Variants in OSBPL10 observed in about 807,000 individuals in gnomAD.
OSBPL10 encodes the protein oxysterol binding protein like 10.
In OSBPL10, 49 loss-of-function variants were observed where a neutral mutation model predicts 81.7. The observed-to-expected ratio is 0.60, with a 90% confidence interval of 0.48 to 0.76. The LOEUF (loss-of-function observed/expected upper bound fraction) is 0.76. Among genes scored for constraint, OSBPL10 ranks in the 30% least tolerant of loss-of-function variants. OSBPL10 has a pLI of 0.00. For synonymous variants in OSBPL10, 419 were observed against 383.6 expected, an observed-to-expected ratio of 1.09 and a Z score of -1.08; for missense variants, 923 against 987.8, an observed-to-expected ratio of 0.93 and a Z score of 0.88.
intron 8 of OSBPL10, 55 bp downstream of exon 8, chr3:31,683,578 CA>C (rs1700708905): frequency 6.4e-7 from 1 of 1,555,944 alleles, no homozygotes; most frequent in South Asian, 1.2e-5. Context: ...AATCATCTAC[CA>C]GGTATAGAAA....
intron 3 of OSBPL10, among the ~76,000 whole-genome samples, chr3:31,843,649 A>G (rs1247332186): frequency 6.6e-6 from 1 of 152,090 alleles, no homozygotes; most frequent in Non-Finnish European, 1.5e-5. Flanking sequence ...TTGCTGCCCC[A>G]ATTTATTCTC....
intron 6 of OSBPL10, among the ~76,000 whole-genome samples, chr3:31,715,778 C>CA (rs1696412064): frequency 6.6e-6 from 1 of 152,202 alleles, no homozygotes; most frequent in African/African-American, 2.4e-5. Context: ...TCTATATCCA[C>CA]AGTTGAAATC....
chr3:32,021,321 T>C (rs773096815), intron 2 of OSBPL10, among the ~76,000 whole-genome samples: 1 of 152,228 alleles, frequency 6.6e-6, no homozygotes, highest in Non-Finnish European at 1.5e-5. Context: ...CAGGCTCAAA[T>C]AAAGTTCAAC....
chr3:32,012,554 C>T (rs1699271783), intron 2 of OSBPL10, among the ~76,000 whole-genome samples: 1 of 152,166 alleles, frequency 6.6e-6, no homozygotes, highest in Non-Finnish European at 1.5e-5. Flanking sequence ...AAATAACCAG[C>T]TAACATCATA....
intron 2 of OSBPL10, among the ~76,000 whole-genome samples, chr3:31,995,162 A>G (rs761089442): frequency 2.6e-5 from 4 of 152,226 alleles, no homozygotes; most frequent in Non-Finnish European, 4.4e-5. Context: ...CTTGATAAAC[A>G]TCTTAACAGA....
intron 4 of OSBPL10, among the ~76,000 whole-genome samples, chr3:31,751,121 C>T (rs998989127): frequency 6.6e-6 from 1 of 152,042 alleles, no homozygotes; most frequent in African/African-American, 2.4e-5. Flanking sequence ...GCCTGGCCAA[C>T]ATAACAAAAC....
At chr3:32,016,417 A>T (rs965126188) in intron 2 of OSBPL10, among the ~76,000 whole-genome samples, 2 of 151,814 alleles carry the variant, frequency 1.3e-5, no homozygotes, top group African/African-American at 4.8e-5. Context: ...GGACACAGGA[A>T]GGGGAACATC....
chr3:31,869,045 G>A (rs1701252734), intron 3 of OSBPL10, among the ~76,000 whole-genome samples: 1 of 152,206 alleles, frequency 6.6e-6, no homozygotes, highest in Non-Finnish European at 1.5e-5. Context: ...AGGTGGTCAG[G>A]AGTCTGAACT....
intron 6 of OSBPL10, among the ~76,000 whole-genome samples, chr3:31,720,314 T>C (rs1207110284): frequency 6.6e-6 from 1 of 152,152 alleles, no homozygotes; most frequent in Non-Finnish European, 1.5e-5. Flanking sequence ...TAGTTTCATG[T>C]CCGGCTTAAT....
intron 1 of OSBPL10, among the ~76,000 whole-genome samples, chr3:31,919,010 C>T (rs2125703538): frequency 6.6e-6 from 1 of 152,262 alleles, no homozygotes; most frequent in East Asian, 1.9e-4. Flanking sequence ...TACCAACTGC[C>T]CCCAGTCACA....
chr3:31,773,333 C>T (rs558488522), intron 4 of OSBPL10, among the ~76,000 whole-genome samples: 4 of 152,278 alleles, frequency 2.6e-5, no homozygotes, highest in South Asian at 4.1e-4. Flanking sequence ...TTCCTGCACT[C>T]GTCAGCACTA....
At chr3:31,826,102 C>T (rs535833480) in intron 4 of OSBPL10, among the ~76,000 whole-genome samples, 8 of 152,258 alleles carry the variant, frequency 5.3e-5, no homozygotes, top group Non-Finnish European at 1.2e-4. Context: ...TTCCTCCTAG[C>T]CCCAGTTCCA....
intron 5 of OSBPL10, among the ~76,000 whole-genome samples, chr3:31,747,487 T>TC (rs1553620893): frequency 0.33 from 32,796 of 99,034 alleles, 3,923 homozygotes; most frequent in East Asian, 0.51. Flanking sequence ...AATCTTCAAA[T>TC]AAAAAAAAAA....
chr3:31,716,142 T>A (rs1696425429), intron 6 of OSBPL10, among the ~76,000 whole-genome samples: 1 of 152,146 alleles, frequency 6.6e-6, no homozygotes, highest in South Asian at 2.1e-4. Flanking sequence ...CCTCCAGACC[T>A]ACAGACACAG....
intron 1 of OSBPL10, among the ~76,000 whole-genome samples, chr3:31,941,978 G>A (rs34652817): frequency 0.21 from 31,867 of 152,092 alleles, 3,885 homozygotes; most frequent in Non-Finnish European, 0.28. Flanking sequence ...TCTCCCAGTC[G>A]AGAATGCAAT....
At chr3:31,891,657 T>C (rs1695893798) in intron 1 of OSBPL10, among the ~76,000 whole-genome samples, 1 of 152,194 alleles carries the variant, frequency 6.6e-6, no homozygotes, top group African/African-American at 2.4e-5. Context: ...AAGACAGAAC[T>C]TGAGAGCTTG....
At chr3:32,042,751 G>A (rs911525395) in intron 2 of OSBPL10, among the ~76,000 whole-genome samples, 8 of 152,062 alleles carry the variant, frequency 5.3e-5, no homozygotes, top group Non-Finnish European at 1.0e-4. Context: ...AAAAGGGGAG[G>A]GGGTGCAAGA....
chr3:31,922,881 G>A (rs987484063), intron 1 of OSBPL10, among the ~76,000 whole-genome samples: 24 of 152,094 alleles, frequency 1.6e-4, no homozygotes, highest in Non-Finnish European at 2.9e-4. Flanking sequence ...CTGGCACTCA[G>A]CAACAATAAC....
chr3:31,764,746 A>G (rs1051862390), intron 4 of OSBPL10, among the ~76,000 whole-genome samples: 3 of 152,176 alleles, frequency 2.0e-5, no homozygotes, highest in Admixed American at 6.5e-5. Context: ...TTTTAACTGC[A>G]CATTATATAT....
Sources: gnomAD v4.1 joint callset for allele counts (sites outside exome capture counted in the v4.1 genomes callset) on GRCh38, gnomAD v4.1.1 for gene constraint, MANE v1.5 for transcripts, NCBI Gene and HGNC (gene_info 2026-07-23, HGNC 2026-07-21) for gene names.